The following WSCD2 variants were observed in gnomAD, a reference collection of about 807,000 sequenced individuals.
WSCD2 encodes the protein WSC domain sialate O sulfotransferase 2, also known as sialate:O-sulfotransferase 2.
In WSCD2, 28 loss-of-function variants were observed where a neutral mutation model predicts 55.7. The ratio of observed to expected loss-of-function variants is 0.50; its 90% CI spans 0.37 to 0.69. The LOEUF (loss-of-function observed/expected upper bound fraction) is 0.69. Among genes scored for constraint, WSCD2 ranks in the 30% least tolerant of loss-of-function variants. The pLI is 0.00. For synonymous variants in WSCD2, 301 were observed against 301.9 expected (o/e 1.00, Z 0.03); for missense variants, 616 against 762.1 (o/e 0.81, Z 2.26).
chr12:108,227,864 A>T (rs1296950201), intron 6 of WSCD2, among the ~76,000 whole-genome samples: 2 of 151,930 alleles, frequency 1.3e-5, no homozygotes, highest in African/African-American at 4.8e-5. Context: ...TGCTGATGAT[A>T]GTGATGATGA....
At chr12:108,167,952 G>A (rs1025477932) in intron 1 of WSCD2, among the ~76,000 whole-genome samples, 1 of 152,164 alleles carries the variant, frequency 6.6e-6, no homozygotes, top group Non-Finnish European at 1.5e-5. Flanking sequence ...AGAGGGTGAG[G>A]GGTAAAATGA....
At chr12:108,207,463 G>A (rs923640385) in intron 3 of WSCD2, among the ~76,000 whole-genome samples, 2 of 151,166 alleles carry the variant, frequency 1.3e-5, no homozygotes, top group Non-Finnish European at 2.9e-5. Context: ...TCCGCCTCCC[G>A]GGTTCAAGCA....
At chr12:108,241,977 C>T (rs892667119) in intron 8 of WSCD2, among the ~76,000 whole-genome samples, 3 of 152,172 alleles carry the variant, frequency 2.0e-5, no homozygotes, top group African/African-American at 4.8e-5. Context: ...TTCAGCACTG[C>T]GCTGTGATAA....
intron 4 of WSCD2, among the ~76,000 whole-genome samples, chr12:108,223,453 A>G (rs973677438): frequency 6.6e-6 from 1 of 152,146 alleles, no homozygotes; most frequent in African/African-American, 2.4e-5. Context: ...CATTCTTTTC[A>G]ATGGAATTCC....
Position 108,240,493 on chromosome 12 carries a change from A to C in WSCD2, c.1294A>C (p.Lys432Gln). ...AGCCCTCATGGCTGAGTTCAACCGCAAGTACGGCGGCCACATAGGCTTTGC... is the reference window on the plus strand; with the variant it reads ...AGCCCTCATGGCTGAGTTCAACCGCCAGTACGGCGGCCACATAGGCTTTGC... ...YKALMAEFNR[K>Q]YGGHIGFAAH... Residue 432 changes from lysine to glutamine, a missense_variant, in exon 8 of 9, where the codon AAG becomes CAG. Around this residue, in one of 3 missense-constraint regions of WSCD2, gnomAD observed 234 missense variants for 264.6 expected, o/e 0.88. Transcript: ENST00000547525. 2 of 1,613,368 alleles carry C rather than the reference A, an allele frequency of 1.2e-6. No homozygotes were observed. The highest frequency in any genetic ancestry group is 1.7e-6 in the Non-Finnish European group (2 of 1,179,852).
chr12:108,206,163 C>G (rs914175678), intron 2 of WSCD2, 126 bp from the exon 3 acceptor site: 47 of 765,650 alleles, frequency 6.1e-5, no homozygotes, highest in Middle Eastern at 6.6e-4. Flanking sequence ...CATTTCTGCC[C>G]AAAGGAAGGA....
At chr12:108,211,820 A>ATTTTTTT (rs59190207) in intron 4 of WSCD2, among the ~76,000 whole-genome samples, 4 of 134,606 alleles carry the variant, frequency 3.0e-5, no homozygotes. Context: ...TGCCTGGCTA[A>ATTTTTTT]TTTTTTTTTT....
intron 2 of WSCD2, among the ~76,000 whole-genome samples, chr12:108,202,736 A>T (rs1054363602): frequency 2.6e-5 from 4 of 152,212 alleles, no homozygotes; most frequent in Non-Finnish European, 5.9e-5. Context: ...GAAGAGGTGA[A>T]AATATAACTA....
intron 1 of WSCD2, among the ~76,000 whole-genome samples, chr12:108,159,938 C>T (rs1878894998): frequency 6.6e-6 from 1 of 152,240 alleles, no homozygotes; most frequent in Admixed American, 6.5e-5. Flanking sequence ...GAGGTTTCCC[C>T]CTGTGCTGAG....
intron 4 of WSCD2, among the ~76,000 whole-genome samples, chr12:108,212,590 T>TTCTCTC (rs111941873): frequency 1.7e-5 from 2 of 118,430 alleles, no homozygotes; most frequent in Admixed American, 8.9e-5. Context: ...CCACCCCCAT[T>TTCTCTC]TCTCTCTCTC....
chr12:108,186,472 A>C (rs986324202), intron 1 of WSCD2, among the ~76,000 whole-genome samples: 1 of 152,216 alleles, frequency 6.6e-6, no homozygotes. Context: ...TATCATACGG[A>C]GCAGTTTCAC....
intron 7 of WSCD2, among the ~76,000 whole-genome samples, chr12:108,234,839 T>C (rs1235203017): frequency 1.3e-5 from 2 of 152,216 alleles, no homozygotes; most frequent in Non-Finnish European, 1.5e-5. Flanking sequence ...GGGATCAAAA[T>C]TGGTTTCATC....
intron 1 of WSCD2, among the ~76,000 whole-genome samples, chr12:108,181,419 C>G (rs559466115): frequency 4.6e-5 from 7 of 152,162 alleles, no homozygotes; most frequent in Non-Finnish European, 1.0e-4. Flanking sequence ...AAGACCGCCC[C>G]AGTTCTAACT....
chr12:108,153,607 A>C (rs1297254090), intron 1 of WSCD2, among the ~76,000 whole-genome samples: 1 of 152,232 alleles, frequency 6.6e-6, no homozygotes, highest in Non-Finnish European at 1.5e-5. Context: ...CCAAGCCTGA[A>C]AAGGCAAAGT....
chr12:108,184,544 G>C (rs1190436334), intron 1 of WSCD2, among the ~76,000 whole-genome samples: 5 of 152,222 alleles, frequency 3.3e-5, no homozygotes, highest in Non-Finnish European at 7.3e-5. Context: ...GGGGCTGCCA[G>C]GGAGCAGCGT....
At chr12:108,212,613 T>TCACACACAGACA (rs1555235812) in intron 4 of WSCD2, among the ~76,000 whole-genome samples, 3 of 138,546 alleles carry the variant, frequency 2.2e-5, no homozygotes, top group African/African-American at 8.6e-5. Flanking sequence ...TCTCTCTCTC[T>TCACACACAGACA]CACACACACA....
At chr12:108,207,608 C>T (rs528889847) in intron 3 of WSCD2, among the ~76,000 whole-genome samples, 4 of 137,334 alleles carry the variant, frequency 2.9e-5, no homozygotes, top group Admixed American at 1.6e-4. Context: ...AGGATGGTCT[C>T]GATCTCCTGA....
Position 108,210,037 on chromosome 12 carries a change from C to T in WSCD2, c.498-84C>T, listed in dbSNP as rs1179390827. 1 of 1,574,216 alleles carries T rather than the reference C, an allele frequency of 6.4e-7. No homozygotes were observed. The highest frequency in any genetic ancestry group is 8.7e-7 in the Non-Finnish European group (1 of 1,151,832). On this transcript the variant is annotated intron_variant, in intron 3 of 8. Transcript: ENST00000547525. This position sits in a 1 kb window ranked among gnomAD's most constrained non-coding sequence, Gnocchi z 4.3. Reference sequence around the variant, plus strand: ...GATCTCCTGGTCCCCAGAGCCCTCCCATCCCCCAGGTCTCCATGTTGTGTC... The same window carrying T: ...GATCTCCTGGTCCCCAGAGCCCTCCTATCCCCCAGGTCTCCATGTTGTGTC...
At chr12:108,239,833 C>A (rs536683461) in intron 7 of WSCD2, among the ~76,000 whole-genome samples, 5 of 152,200 alleles carry the variant, frequency 3.3e-5, no homozygotes, top group African/African-American at 1.2e-4. Flanking sequence ...CCCGCTTCAG[C>A]CCCCCAAGTG....
Sources: gnomAD v4.1 joint callset for allele counts (sites outside exome capture counted in the v4.1 genomes callset) on GRCh38, gnomAD v4.1.1 for gene constraint, gnomAD v4.1.1 regional missense constraint, Gnocchi (gnomAD v3.1) non-coding constraint, MANE v1.5 for transcripts, NCBI Gene and HGNC (gene_info 2026-07-23, HGNC 2026-07-21) for gene names.